Variants in DNAH12 observed in about 807,000 individuals in gnomAD.
The protein encoded by DNAH12 is axonemal beta dynein heavy chain 12.
DNAH12 carries 285 observed loss-of-function variants against 371.5 expected under a neutral mutation model. The ratio of observed to expected loss-of-function variants is 0.77; its 90% CI spans 0.70 to 0.85. The LOEUF (loss-of-function observed/expected upper bound fraction) is 0.85. DNAH12 is among the 40% of genes least tolerant of loss of function. The probability of loss-of-function intolerance (pLI) is 0.00; values close to 1 mark genes in which losing one functional copy is unlikely to be tolerated. For missense variants in DNAH12, 3,611 were observed against 3,689.4 expected, an observed-to-expected ratio of 0.98 and a Z score of 0.55; for synonymous variants, 1,200 against 1,213.0, an observed-to-expected ratio of 0.99 and a Z score of 0.22.
chr3:57,520,062 T>A, intron 4 of DNAH12: 1 of 534,278 alleles, frequency 1.9e-6, no homozygotes, highest in South Asian at 2.1e-5. Context: ...AGCCGGAGGC[T>A]GTGGCGGCTC....
At chr3:57,477,925 C>T (rs1273592306) in intron 13 of DNAH12, among the ~76,000 whole-genome samples, 4 of 151,778 alleles carry the variant, frequency 2.6e-5, no homozygotes, top group Admixed American at 1.3e-4. Context: ...CCCATCTGTA[C>T]GTCACCATCA....
chr3:57,294,176 C>CTTTTTTTTTT (rs62779960), intron 73 of DNAH12, among the ~76,000 whole-genome samples: 3 of 129,100 alleles, frequency 2.3e-5, no homozygotes, highest in Non-Finnish European at 3.2e-5. Context: ...CTTTTCTTTT[C>CTTTTTTTTTT]TTTTTTTTTT....
chr3:57,359,605 GTA>G (rs2062878444), intron 58 of DNAH12, among the ~76,000 whole-genome samples: 1 of 150,018 alleles, frequency 6.7e-6, no homozygotes, highest in South Asian at 2.1e-4. Flanking sequence ...AATACTGTGA[GTA>G]TATGTTAAGA....
intron 57 of DNAH12, among the ~76,000 whole-genome samples, chr3:57,364,006 G>C: frequency 6.6e-6 from 1 of 152,236 alleles, no homozygotes; most frequent in South Asian, 2.1e-4. Context: ...GCCACAGTAA[G>C]TCTAAGAACA....
intron 37 of DNAH12, among the ~76,000 whole-genome samples, chr3:57,417,087 T>C (rs1575572714): frequency 6.6e-6 from 1 of 151,846 alleles, no homozygotes; most frequent in Admixed American, 6.6e-5. Flanking sequence ...CCCATCTCTA[T>C]TAAAAATACA....
intron 16 of DNAH12, 122 bp downstream of exon 16, chr3:57,470,321 T>C: frequency 1.0e-6 from 1 of 973,924 alleles, no homozygotes; most frequent in Non-Finnish European, 1.5e-6. Flanking sequence ...TGGTACCTGG[T>C]TCTCTTTCAA....
intron 13 of DNAH12, 138 bp from the exon 14 acceptor site, chr3:57,472,809 A>G (rs1054397071): frequency 3.5e-5 from 31 of 895,656 alleles, no homozygotes; most frequent in Non-Finnish European, 5.3e-5. Context: ...TTTATATATC[A>G]CCCAAACCAG....
intron 60 of DNAH12, among the ~76,000 whole-genome samples, chr3:57,340,635 G>A (rs782079174): frequency 6.6e-6 from 1 of 152,162 alleles, no homozygotes; most frequent in Non-Finnish European, 1.5e-5. Flanking sequence ...TCAATAATGA[G>A]TAATGAGATT....
At chr3:57,472,729 A>C (rs540019031) in intron 13 of DNAH12, 58 bp from the exon 14 acceptor site, 172 of 1,499,014 alleles carry the variant, frequency 1.1e-4, no homozygotes, top group Middle Eastern at 9.0e-4. Flanking sequence ...CATTATGAAA[A>C]AGAGAAGAAC....
rs1238631543 is a variant in DNAH12, at chr3:57,390,425, ATAT to A, written c.7305+1444_7305+1446del. Among the ~76,000 whole-genome samples, 109 of 40,954 alleles carry A rather than the reference ATAT, an allele frequency of 2.7e-3. 10 individuals carry two copies. Among genetic ancestry groups the A allele is most frequent in the African/African-American group, 3.9e-3 (59 of 15,208 alleles). 26.9% of individuals were successfully genotyped at this position (40,954 alleles called of 152,430 possible). A position where few individuals can be genotyped will look rare whatever the true frequency, so the allele number is the denominator to read the frequency against. On this transcript the variant is annotated intron_variant, in intron 45 of 73. Coordinates refer to ENST00000495027, the MANE Select transcript of DNAH12 (RefSeq NM_001366028.2). ...TCCTGTCTCAAAAAAAAAAAAAAAA[ATAT>A]ATATATATATATATATATATATACT...
Position 57,309,828 on chromosome 3 carries a change from C to A in DNAH12, c.10923G>T (p.Glu3641Asp). ...CAACGTTTTCATGTAATCCAAATATCTCAGGGTGTTGAGTAAATGGAAGTT... is the reference window on the plus strand; with the variant it reads ...CAACGTTTTCATGTAATCCAAATATATCAGGGTGTTGAGTAAATGGAAGTT... ...IKKLPFTQHP[E>D]IFGLHENVDI... Residue 3641 changes from glutamate to aspartate, a missense_variant, in exon 68 of 74, where the codon GAG becomes GAT. Glu to Asp is a conservative substitution (Grantham distance 45). Transcript: ENST00000495027. The A allele has an allele frequency of 6.5e-7, 1 of 1,548,000 alleles. No individual in the cohort carries two copies. The highest frequency in any genetic ancestry group is 8.7e-7 in the Non-Finnish European group (1 of 1,146,048).
Position 57,508,555 on chromosome 3 carries a change from C to T in DNAH12, c.543-15G>A. ...AATCTAGGCCTCTGGAAAAGCAAAACACCATATCAAACATGATGAAAATAA... is the reference window on the plus strand; with the variant it reads ...AATCTAGGCCTCTGGAAAAGCAAAATACCATATCAAACATGATGAAAATAA... On this transcript the variant is annotated splice_polypyrimidine_tract_variant and intron_variant, in intron 6 of 73. Transcript: ENST00000495027. The T allele has an allele frequency of 6.2e-7, 1 of 1,601,916 alleles. No individual in the cohort carries two copies. The highest frequency in any genetic ancestry group is 1.1e-5 in the South Asian group (1 of 88,136).
At chr3:57,456,113 G>A (rs2153375552) in intron 22 of DNAH12, among the ~76,000 whole-genome samples, 1 of 152,324 alleles carries the variant, frequency 6.6e-6, no homozygotes, top group Admixed American at 6.5e-5. Context: ...AAAGAAGGAT[G>A]AATGGTGACT....
At position 57,426,327 on chromosome 3, in the gene DNAH12, G is replaced by A. The variant is rs187981334; in HGVS notation, c.5254-1186C>T. Among the ~76,000 whole-genome samples the A allele has an allele frequency of 4.5e-3, 676 of 150,494 alleles. 6 individuals carry two copies. The highest frequency in any genetic ancestry group is 0.016 in the African/African-American group (653 of 39,974). ...GTTCCAAGGGAGGGTTTTAAATAAA[G>A]GAATAAACAGAAAGGATTTGTGTTT... On this transcript the variant is annotated intron_variant, in intron 34 of 73. Coordinates refer to ENST00000495027, the MANE Select transcript of DNAH12 (RefSeq NM_001366028.2).
At chr3:57,447,782 T>TC (rs1465928385) in intron 25 of DNAH12, among the ~76,000 whole-genome samples, 1 of 152,068 alleles carries the variant, frequency 6.6e-6, no homozygotes, top group Non-Finnish European at 1.5e-5. Flanking sequence ...CAAGCAACCC[T>TC]CCCACCTCAG....
intron 65 of DNAH12, among the ~76,000 whole-genome samples, chr3:57,317,859 CAGAAGGTATG>C (rs2061720360): frequency 6.6e-6 from 1 of 152,120 alleles, no homozygotes; most frequent in East Asian, 1.9e-4. Flanking sequence ...ATAGCCATCC[CAGAAGGTATG>C]AGATGATATC....
intron 11 of DNAH12, among the ~76,000 whole-genome samples, chr3:57,491,240 T>C (rs2067116003): frequency 6.6e-6 from 1 of 151,972 alleles, no homozygotes; most frequent in Non-Finnish European, 1.5e-5. Flanking sequence ...TGGACAAAAC[T>C]AAACTATATT....
chr3:57,378,138 C>T (rs2063319431), intron 52 of DNAH12, among the ~76,000 whole-genome samples: 1 of 152,132 alleles, frequency 6.6e-6, no homozygotes, highest in African/African-American at 2.4e-5. Flanking sequence ...GCATATTTCT[C>T]TCCCATGCTT....
chr3:57,304,891 C>T lies in DNAH12; in HGVS notation c.11190-2952G>A, dbSNP rs1362958868. ...CCCCCCACCCCTTCTCTTCGTGTCT[C>T]TACTCTCTTTTCTCTGGGCTTGCCT... is the stretch of plus-strand genomic sequence containing the variant. On this transcript the variant is annotated intron_variant, in intron 69 of 73. Coordinates refer to ENST00000495027, the MANE Select transcript of DNAH12 (RefSeq NM_001366028.2). Among the ~76,000 whole-genome samples the T allele has an allele frequency of 2.0e-5, 3 of 152,216 alleles. No homozygotes were observed. In the East Asian group the frequency reaches 5.8e-4, roughly 30 times the overall value.
Sources: gnomAD v4.1 joint callset for allele counts (sites outside exome capture counted in the v4.1 genomes callset) on GRCh38, gnomAD v4.1.1 for gene constraint, MANE v1.5 for transcripts, NCBI Gene and HGNC (gene_info 2026-07-23, HGNC 2026-07-21) for gene names.